The following PPP1R9A variants were observed in gnomAD, a reference collection of about 807,000 sequenced individuals.
PPP1R9A encodes the protein neurabin-1.
Under a neutral mutation model 141.9 loss-of-function variants are expected in PPP1R9A, and 59 were observed. That is an observed-to-expected ratio of 0.42 (90% CI 0.34 to 0.52). The LOEUF is 0.52. PPP1R9A is among the 20% of genes least tolerant of loss of function. The pLI is 0.10. For synonymous variants in PPP1R9A, 500 were observed against 569.7 expected (o/e 0.88, Z 1.74); for missense variants, 1,444 against 1,611.9 (o/e 0.90, Z 1.78).
chr7:95,268,824 C>A, intron 13 of PPP1R9A, 117 bp downstream of exon 13: 1 of 1,215,656 alleles, frequency 8.2e-7, no homozygotes. Context: ...TGGTAAGCAG[C>A]TAGAATAGTT....
At chr7:95,238,701 CT>C (rs913504773) in intron 8 of PPP1R9A, among the ~76,000 whole-genome samples, 3 of 152,148 alleles carry the variant, frequency 2.0e-5, no homozygotes, top group African/African-American at 7.2e-5. Context: ...CACTTTCCCC[CT>C]CCCTAACTTT....
chr7:95,242,344 G>A (rs1797570929), intron 8 of PPP1R9A, among the ~76,000 whole-genome samples: 1 of 152,108 alleles, frequency 6.6e-6, no homozygotes, highest in African/African-American at 2.4e-5. Context: ...TAAAGCAACA[G>A]CAGAAAATGT....
intron 2 of PPP1R9A, among the ~76,000 whole-genome samples, chr7:95,025,688 C>T (rs1293443022): frequency 6.6e-6 from 1 of 151,508 alleles, no homozygotes; most frequent in South Asian, 2.1e-4. Flanking sequence ...GTTCCATTCC[C>T]CCTGTCACTT....
intron 2 of PPP1R9A, among the ~76,000 whole-genome samples, chr7:94,961,188 A>AT (rs897959372): frequency 6.7e-6 from 1 of 149,902 alleles, no homozygotes; most frequent in Admixed American, 6.7e-5. Flanking sequence ...AGACTGGTTA[A>AT]TAAAAAAAAC....
intron 4 of PPP1R9A, among the ~76,000 whole-genome samples, chr7:95,135,022 ATTTTG>A (rs1410179222): frequency 6.6e-6 from 1 of 152,014 alleles, no homozygotes; most frequent in African/African-American, 2.4e-5. Flanking sequence ...TGTTGCTCTC[ATTTTG>A]TTTTATCTTC....
intron 8 of PPP1R9A, among the ~76,000 whole-genome samples, chr7:95,239,529 C>A (rs1475270225): frequency 6.6e-6 from 1 of 151,746 alleles, no homozygotes; most frequent in Non-Finnish European, 1.5e-5. Flanking sequence ...CATTGCACCC[C>A]AATCTTTGCA....
chr7:94,980,302 A>G (rs961378238), intron 2 of PPP1R9A, among the ~76,000 whole-genome samples: 1 of 152,094 alleles, frequency 6.6e-6, no homozygotes, highest in Non-Finnish European at 1.5e-5. Flanking sequence ...CACAGGTTGG[A>G]CAAGCTTGCT....
chr7:95,132,728 G>T (rs1824887507), intron 4 of PPP1R9A, among the ~76,000 whole-genome samples: 1 of 150,974 alleles, frequency 6.6e-6, no homozygotes. Flanking sequence ...TTGCACCCCA[G>T]TCTGGATGCT....
intron 2 of PPP1R9A, among the ~76,000 whole-genome samples, chr7:95,005,105 C>T (rs1018633613): frequency 7.2e-5 from 11 of 152,054 alleles, no homozygotes; most frequent in Admixed American, 2.6e-4. Context: ...CTATGCACCA[C>T]GTGGGCAGGG....
At chr7:94,994,199 G>A (rs559106461) in intron 2 of PPP1R9A, among the ~76,000 whole-genome samples, 1 of 152,122 alleles carries the variant, frequency 6.6e-6, no homozygotes, top group East Asian at 1.9e-4. Flanking sequence ...ATAATCTATT[G>A]GGATCATAGA....
chr7:95,172,444 G>C (rs1280609283), intron 5 of PPP1R9A, among the ~76,000 whole-genome samples: 1 of 151,756 alleles, frequency 6.6e-6, no homozygotes, highest in Non-Finnish European at 1.5e-5. Context: ...GTCCAATCAT[G>C]TTACAGAAGA....
At chr7:95,288,788 T>C (rs1805824832) in intron 19 of PPP1R9A, 70 bp downstream of exon 19, 1 of 1,529,036 alleles carries the variant, frequency 6.5e-7, no homozygotes, top group Non-Finnish European at 8.8e-7. Context: ...TAAAATGTTT[T>C]CATTAGGTAA....
chr7:95,284,927 T>C (rs1804997203), intron 17 of PPP1R9A, among the ~76,000 whole-genome samples: 6 of 152,254 alleles, frequency 3.9e-5, no homozygotes, highest in Admixed American at 3.9e-4. Context: ...TGTGTTCGCT[T>C]TTCTTTCTCA....
chr7:94,964,579 T>C (rs989002036), intron 2 of PPP1R9A, among the ~76,000 whole-genome samples: 2 of 152,090 alleles, frequency 1.3e-5, no homozygotes, highest in South Asian at 4.1e-4. Context: ...AATGAGAACA[T>C]GTGGTGTTTG....
At chr7:94,973,494 G>C (rs912471556) in intron 2 of PPP1R9A, among the ~76,000 whole-genome samples, 1 of 152,102 alleles carries the variant, frequency 6.6e-6, no homozygotes, top group Admixed American at 6.6e-5. Context: ...TGAACTGTTG[G>C]TGGTGGAGAA....
chr7:95,275,861 T>C (rs1803082275), intron 16 of PPP1R9A, among the ~76,000 whole-genome samples: 1 of 152,152 alleles, frequency 6.6e-6, no homozygotes, highest in Non-Finnish European at 1.5e-5. Context: ...AAATTAATTA[T>C]CTTTGTTAGT....
intron 2 of PPP1R9A, among the ~76,000 whole-genome samples, chr7:94,986,179 C>T (rs1410283639): frequency 1.3e-5 from 2 of 152,136 alleles, no homozygotes; most frequent in East Asian, 1.9e-4. Flanking sequence ...TTTAGTTAAA[C>T]TTGCATTTCC....
chr7:95,089,520 T>A (rs1276775805), intron 2 of PPP1R9A, among the ~76,000 whole-genome samples: 2 of 152,062 alleles, frequency 1.3e-5, no homozygotes, highest in African/African-American at 4.8e-5. Flanking sequence ...ACGTTTCTTT[T>A]GTCCTTCCCT....
At chr7:95,014,880 T>TA in intron 2 of PPP1R9A, among the ~76,000 whole-genome samples, 2 of 152,202 alleles carry the variant, frequency 1.3e-5, no homozygotes, top group South Asian at 4.1e-4. Flanking sequence ...ATCTATGAGT[T>TA]AAAATCCATT....
Sources: gnomAD v4.1 joint callset for allele counts (sites outside exome capture counted in the v4.1 genomes callset) on GRCh38, gnomAD v4.1.1 for gene constraint, MANE v1.5 for transcripts, NCBI Gene and HGNC (gene_info 2026-07-23, HGNC 2026-07-21) for gene names.